The following RORB variants were observed in gnomAD, a reference collection of about 807,000 sequenced individuals.
RORB encodes RAR related orphan receptor B, also known as nuclear receptor ROR-beta.
In RORB, 6 loss-of-function variants were observed where a neutral mutation model predicts 59.1. The observed-to-expected ratio is 0.10, with a 90% CI of 0.06 to 0.20. The LOEUF is 0.20. Ranked by LOEUF, RORB falls within the 10% of genes least tolerant of loss-of-function variation. The pLI, the probability that RORB is intolerant of heterozygous loss-of-function variation, is 1.00. For missense variants in RORB, 320 were observed against 560.5 expected (o/e 0.57, Z 4.33); for synonymous variants, 215 against 204.5 (o/e 1.05, Z -0.44).
At chr9:74,521,157 A>T (rs1826080708) in intron 1 of RORB, among the ~76,000 whole-genome samples, 1 of 151,928 alleles carries the variant, frequency 6.6e-6, no homozygotes, top group Non-Finnish European at 1.5e-5. Flanking sequence ...TTCTGGAAAG[A>T]TAATTTATTC....
rs184161319 is a variant in RORB at position 74,575,412 on chromosome 9, C to T, written c.8-54870C>T. ...GTTTATTTGACATGACTTAACACTG[C>T]CATTCTCTTCACCTGAGCACTTCAG... On this transcript the variant is annotated intron_variant, in intron 1 of 9. Coordinates refer to ENST00000376896, the MANE Select transcript of RORB (RefSeq NM_006914.4). 2.1e-4 allele frequency among the ~76,000 whole-genome samples: 32 copies of T among 152,182 alleles called. No homozygotes were observed. In the East Asian group the frequency reaches 5.0e-3, roughly 24 times the overall value.
chr9:74,508,249 G>A (rs1047387549), intron 1 of RORB, among the ~76,000 whole-genome samples: 1 of 151,868 alleles, frequency 6.6e-6, no homozygotes. Flanking sequence ...TCAATAATGA[G>A]AATCCTAGTC....
chr9:74,609,572 G>A (rs1823203412), intron 1 of RORB, among the ~76,000 whole-genome samples: 1 of 152,134 alleles, frequency 6.6e-6, no homozygotes, highest in South Asian at 2.1e-4. Flanking sequence ...ACAATTGATA[G>A]CTGATATTTA....
intron 6 of RORB, among the ~76,000 whole-genome samples, chr9:74,663,097 T>G (rs1026014343): frequency 1.3e-5 from 2 of 152,146 alleles, no homozygotes; most frequent in African/African-American, 4.8e-5. Context: ...ACACACACAA[T>G]TGCTACAATC....
Position 74,537,059 on chromosome 9 carries a change from T to A in RORB, c.7+39076T>A, listed in dbSNP as rs147177723. Among the ~76,000 whole-genome samples, 20 of 152,184 alleles carry A rather than the reference T, an allele frequency of 1.3e-4. 1 individual carries two copies. In the East Asian group the frequency reaches 2.7e-3, roughly 21 times the overall value. The stretch of plus-strand genomic sequence containing the variant: ...AGACCCATTTTACAAATAAGGAAAC[T>A]GAGCCCAAGAGGTTAAGTGACTTAT... On this transcript the variant is annotated intron_variant, in intron 1 of 9. Coordinates refer to ENST00000376896, the MANE Select transcript of RORB (RefSeq NM_006914.4).
chr9:74,638,308 T>C (rs1167103090), intron 3 of RORB, among the ~76,000 whole-genome samples: 1 of 152,222 alleles, frequency 6.6e-6, no homozygotes, highest in African/African-American at 2.4e-5. Context: ...AAACTTCTAT[T>C]CCATTTAGAA....
At chr9:74,540,679 T>C (rs369798904) in intron 1 of RORB, among the ~76,000 whole-genome samples, 3 of 152,144 alleles carry the variant, frequency 2.0e-5, no homozygotes, top group African/African-American at 7.2e-5. Context: ...AGTATTACAT[T>C]GAATAGATGT....
chr9:74,640,224 G>T (rs1366035945), intron 3 of RORB, among the ~76,000 whole-genome samples: 1 of 152,084 alleles, frequency 6.6e-6, no homozygotes, highest in Non-Finnish European at 1.5e-5. Context: ...GGGGTTGGTT[G>T]CTTGGTTGGT....
intron 1 of RORB, among the ~76,000 whole-genome samples, chr9:74,557,964 C>A (rs1391678012): frequency 2.0e-5 from 3 of 151,800 alleles, no homozygotes; most frequent in African/African-American, 4.8e-5. Flanking sequence ...ATACGACAAC[C>A]AATTACTGTA....
intron 1 of RORB, among the ~76,000 whole-genome samples, chr9:74,541,279 CAAAAAAAA>C (rs374556016): frequency 0.49 from 21,062 of 42,896 alleles, 2,217 homozygotes; most frequent in Middle Eastern, 0.56. Flanking sequence ...GACTCCATCT[CAAAAAAAA>C]AAAAAAAAAA....
intron 1 of RORB, among the ~76,000 whole-genome samples, chr9:74,625,432 A>G (rs557413034): frequency 2.0e-5 from 3 of 152,274 alleles, no homozygotes; most frequent in South Asian, 4.2e-4. Context: ...TGGACAACAT[A>G]GCAAGAGTCT....
At chr9:74,600,531 T>C (rs186514398) in intron 1 of RORB, among the ~76,000 whole-genome samples, 2 of 152,296 alleles carry the variant, frequency 1.3e-5, no homozygotes, top group African/African-American at 4.8e-5. Flanking sequence ...GGCTGCACAG[T>C]CCATCACCCA....
intron 1 of RORB, among the ~76,000 whole-genome samples, chr9:74,592,188 C>T (rs981218870): frequency 2.6e-5 from 4 of 152,106 alleles, no homozygotes; most frequent in Non-Finnish European, 5.9e-5. Flanking sequence ...AATGGGAATG[C>T]AGGACTTCAG....
chr9:74,652,880 C>T (rs532868951), intron 4 of RORB, among the ~76,000 whole-genome samples: 1 of 152,300 alleles, frequency 6.6e-6, no homozygotes, highest in African/African-American at 2.4e-5. Flanking sequence ...AATGCTAAAT[C>T]TCCTACTCTT....
chr9:74,612,263 C>G (rs1587384804), intron 1 of RORB, among the ~76,000 whole-genome samples: 1 of 152,076 alleles, frequency 6.6e-6, no homozygotes, highest in East Asian at 1.9e-4. Flanking sequence ...ATAGAGGTGG[C>G]ATTAAAAGGC....
chr9:74,556,633 G>C (rs1227427647), intron 1 of RORB, among the ~76,000 whole-genome samples: 1 of 152,156 alleles, frequency 6.6e-6, no homozygotes, highest in African/African-American at 2.4e-5. Flanking sequence ...ACTTTGCTGG[G>C]TCATAGCAAT....
chr9:74,509,782 C>A (rs1482859344), intron 1 of RORB, among the ~76,000 whole-genome samples: 1 of 151,944 alleles, frequency 6.6e-6, no homozygotes, highest in Non-Finnish European at 1.5e-5. Flanking sequence ...TGTGTACAAG[C>A]ATAAGATGTT....
At chr9:74,583,710 G>A (rs1031747878) in intron 1 of RORB, among the ~76,000 whole-genome samples, 1 of 152,150 alleles carries the variant, frequency 6.6e-6, no homozygotes, top group South Asian at 2.1e-4. Flanking sequence ...AGGCTGTAGT[G>A]AGGATATTGG....
Position 74,500,517 on chromosome 9 carries a change from C to T in RORB, c.7+2534C>T, listed in dbSNP as rs144399202. On this transcript the variant is annotated intron_variant, in intron 1 of 9. Transcript: ENST00000376896. ...GGGGCCATTTTTGACCTGGGCTTTA[C>T]GGTGGGCCCACTGCATTTCCCTCAT... Among the ~76,000 whole-genome samples, 20 of 152,216 alleles carry T rather than the reference C, an allele frequency of 1.3e-4. 1 individual carries two copies. The East Asian group carries it at 3.7e-3, about 28-fold the overall frequency.
Sources: allele counts gnomAD v4.1 joint callset (sites outside exome capture counted in the v4.1 genomes callset), GRCh38; gene constraint gnomAD v4.1.1; transcripts MANE v1.5; gene names NCBI Gene and HGNC (gene_info 2026-07-23, HGNC 2026-07-21).